Variants in HHAT observed in about 807,000 individuals in gnomAD.
The protein encoded by HHAT is hedgehog acyltransferase, also known as protein-cysteine N-palmitoyltransferase HHAT.
A neutral mutation model predicts 70.8 loss-of-function variants in HHAT; 47 were observed. The ratio of observed to expected loss-of-function variants is 0.66; its 90% CI spans 0.53 to 0.85. HHAT has a LOEUF of 0.85. HHAT is among the 40% of genes least tolerant of loss of function. The pLI is 0.00. For synonymous variants in HHAT, 228 were observed against 247.6 expected (o/e 0.92, Z 0.74); for missense variants, 609 against 604.8 (o/e 1.01, Z -0.07).
chr1:210,616,312 A>C (rs1223248876), intron 10 of HHAT, among the ~76,000 whole-genome samples: 1 of 152,146 alleles, frequency 6.6e-6, no homozygotes, highest in Non-Finnish European at 1.5e-5. Flanking sequence ...GAAATTTTGA[A>C]TCCTTTGACC....
intron 7 of HHAT, among the ~76,000 whole-genome samples, chr1:210,448,590 G>A (rs1216057069): frequency 6.6e-6 from 1 of 152,140 alleles, no homozygotes; most frequent in African/African-American, 2.4e-5. Context: ...ATTGGAGGAG[G>A]CAGGATGGGT....
chr1:210,547,792 G>A (rs2095496386), intron 9 of HHAT, among the ~76,000 whole-genome samples: 1 of 152,148 alleles, frequency 6.6e-6, no homozygotes, highest in Non-Finnish European at 1.5e-5. Flanking sequence ...TGTGACTCCA[G>A]AACCTCACCG....
At chr1:210,642,584 C>A (rs551301312) in intron 11 of HHAT, among the ~76,000 whole-genome samples, 31 of 152,298 alleles carry the variant, frequency 2.0e-4, no homozygotes, top group Non-Finnish European at 3.7e-4. Context: ...TTTTAATTTG[C>A]ATTTCCTTGA....
rs1184482765 is a variant in HHAT, at chr1:210,381,449, A to G, written c.160-6019A>G. Among the ~76,000 whole-genome samples, 4 of 151,834 alleles carry G rather than the reference A, an allele frequency of 2.6e-5. No individual in the cohort carries two copies. The East Asian group carries it at 7.8e-4, about 29-fold the overall frequency. On this transcript the variant is annotated intron_variant, in intron 3 of 11. Transcript: ENST00000261458. ...GTATGCGCCAGCACTCCCAGCTAATATTTGTATTTTTAGTAGAGATGGGGT... is the reference window on the plus strand; with the variant it reads ...GTATGCGCCAGCACTCCCAGCTAATGTTTGTATTTTTAGTAGAGATGGGGT...
chr1:210,607,747 G>A (rs76529916), intron 10 of HHAT, among the ~76,000 whole-genome samples: 8,453 of 149,084 alleles, frequency 0.057, 309 homozygotes, highest in South Asian at 0.13. Flanking sequence ...TTTTTTCCCC[G>A]TTACTTCTTT....
intron 5 of HHAT, among the ~76,000 whole-genome samples, chr1:210,403,219 C>T (rs538232899): frequency 5.9e-5 from 9 of 152,282 alleles, no homozygotes; most frequent in Non-Finnish European, 1.2e-4. Context: ...CAGATAATCA[C>T]TCCGTTTTAA....
intron 1 of HHAT, among the ~76,000 whole-genome samples, chr1:210,329,980 C>T (rs2084846531): frequency 6.6e-6 from 1 of 152,120 alleles, no homozygotes. Flanking sequence ...TTCCTGACCT[C>T]GGGTGATCTG....
chr1:210,502,090 A>G (rs993130065), intron 8 of HHAT, among the ~76,000 whole-genome samples: 2 of 151,030 alleles, frequency 1.3e-5, no homozygotes, highest in African/African-American at 4.9e-5. Flanking sequence ...GTTTTTAAGA[A>G]TTAAATCTTT....
chr1:210,574,678 G>C (rs1357912499), intron 9 of HHAT, among the ~76,000 whole-genome samples: 3 of 152,058 alleles, frequency 2.0e-5, no homozygotes, highest in Non-Finnish European at 4.4e-5. Flanking sequence ...ACACCTATCA[G>C]GGCCATGGGC....
intron 7 of HHAT, among the ~76,000 whole-genome samples, chr1:210,448,198 CAGCTGCCTG>C (rs1483796795): frequency 6.6e-6 from 1 of 151,712 alleles, no homozygotes. Flanking sequence ...TCTCCTGGCT[CAGCTGCCTG>C]AGTAGCTGGG....
chr1:210,374,981 G>C (rs1362259096), intron 3 of HHAT, among the ~76,000 whole-genome samples: 1 of 152,150 alleles, frequency 6.6e-6, no homozygotes. Context: ...TTGCTAACAG[G>C]AGAACCTGAT....
intron 7 of HHAT, among the ~76,000 whole-genome samples, chr1:210,439,284 G>A (rs1309885644): frequency 2.6e-5 from 4 of 151,722 alleles, no homozygotes; most frequent in African/African-American, 9.7e-5. Context: ...TGGGCTAGCA[G>A]GTCACACATG....
chr1:210,620,555 T>C (rs1668624382), intron 10 of HHAT, among the ~76,000 whole-genome samples: 1 of 152,200 alleles, frequency 6.6e-6, no homozygotes, highest in Non-Finnish European at 1.5e-5. Context: ...ATTTTGCTGC[T>C]TATTGGCATG....
chr1:210,347,710 G>C (rs999077169), intron 1 of HHAT, among the ~76,000 whole-genome samples: 1 of 152,162 alleles, frequency 6.6e-6, no homozygotes, highest in Non-Finnish European at 1.5e-5. Context: ...TCTCTTTCCT[G>C]TAACAGTCTA....
intron 7 of HHAT, among the ~76,000 whole-genome samples, chr1:210,427,518 G>A (rs2093101593): frequency 6.6e-6 from 1 of 152,130 alleles, no homozygotes; most frequent in Non-Finnish European, 1.5e-5. Context: ...ATTCTGGTTA[G>A]TTTGAAAGAA....
At chr1:210,520,325 T>C (rs191108381) in intron 9 of HHAT, among the ~76,000 whole-genome samples, 10 of 152,340 alleles carry the variant, frequency 6.6e-5, no homozygotes, top group Non-Finnish European at 1.3e-4. Context: ...CATTCTGTCT[T>C]TTAATTGGGG....
chr1:210,641,449 A>G (rs7524897), intron 11 of HHAT, among the ~76,000 whole-genome samples: 16,237 of 152,180 alleles, frequency 0.11, 932 homozygotes, highest in East Asian at 0.18. Context: ...AGTTTTTGCC[A>G]TTAATTTTAA....
At chr1:210,523,627 T>C (rs61828094) in intron 9 of HHAT, among the ~76,000 whole-genome samples, 36,108 of 152,004 alleles carry the variant, frequency 0.24, 5,044 homozygotes, top group Middle Eastern at 0.33. Context: ...CGCGCACACG[T>C]GCGCATGTGT....
chr1:210,456,813 G>A (rs115735874), intron 7 of HHAT, among the ~76,000 whole-genome samples: 12 of 152,310 alleles, frequency 7.9e-5, no homozygotes, highest in African/African-American at 2.6e-4. Context: ...CAATGCTAGA[G>A]ATGACTGAAT....
Sources: allele counts gnomAD v4.1 joint callset (sites outside exome capture counted in the v4.1 genomes callset), GRCh38; gene constraint gnomAD v4.1.1; transcripts MANE v1.5; gene names NCBI Gene and HGNC (gene_info 2026-07-23, HGNC 2026-07-21).